The following SSBP3 variants were observed in gnomAD, a reference collection of about 807,000 sequenced individuals.
The protein encoded by SSBP3 is single-stranded DNA-binding protein 3.
In SSBP3, 5 loss-of-function variants were observed where a neutral mutation model predicts 69.6. That is an observed-to-expected ratio of 0.07 (90% CI 0.04 to 0.15). The LOEUF (loss-of-function observed/expected upper bound fraction) is 0.15. SSBP3 is among the 10% of genes least tolerant of loss of function. SSBP3 has a pLI of 1.00. For missense variants in SSBP3, 312 were observed against 534.0 expected, an observed-to-expected ratio of 0.58 and a Z score of 4.10; for synonymous variants, 196 against 193.4, an observed-to-expected ratio of 1.01 and a Z score of -0.11.
chr1:54,318,563 G>A (rs954533242), intron 4 of SSBP3, among the ~76,000 whole-genome samples: 1 of 152,120 alleles, frequency 6.6e-6, no homozygotes, highest in African/African-American at 2.4e-5. Context: ...GAGTTTGGGG[G>A]GCTGGGGGAG....
intron 4 of SSBP3, among the ~76,000 whole-genome samples, chr1:54,344,921 G>C (rs376483555): frequency 1.3e-5 from 2 of 152,246 alleles, no homozygotes; most frequent in South Asian, 2.1e-4. Flanking sequence ...GTGCCCATTA[G>C]TCCACGTGCG....
chr1:54,226,971 G>T, exon 18 of SSBP3: 1 of 702,542 alleles, frequency 1.4e-6, no homozygotes, highest in Non-Finnish European at 2.6e-6. Context: ...AACTAAAATT[G>T]GGAAAGGTAG....
At chr1:54,247,613 G>T (rs564916326) in intron 9 of SSBP3, among the ~76,000 whole-genome samples, 1 of 152,248 alleles carries the variant, frequency 6.6e-6, no homozygotes, top group South Asian at 2.1e-4. Flanking sequence ...TCCTTCATCT[G>T]AACTCTCAAA....
chr1:54,306,586 G>A (rs6694572), intron 4 of SSBP3, among the ~76,000 whole-genome samples: 8,840 of 152,184 alleles, frequency 0.058, 430 homozygotes, highest in East Asian at 0.27. Flanking sequence ...AGCTGCCACT[G>A]GTATTATCAT....
upstream of SSBP3, among the ~76,000 whole-genome samples, chr1:54,406,869 G>C (rs1301708249): frequency 1.5e-5 from 2 of 136,406 alleles, no homozygotes; most frequent in Non-Finnish European, 3.1e-5. Context: ...GCCCGCACCA[G>C]CCCAGCCCTT....
At chr1:54,229,057 G>A (rs1043636103) in intron 14 of SSBP3, among the ~76,000 whole-genome samples, 1 of 152,146 alleles carries the variant, frequency 6.6e-6, no homozygotes. Context: ...GAGGGAGAGG[G>A]ACTGGCCCAC....
intron 14 of SSBP3, among the ~76,000 whole-genome samples, chr1:54,235,106 T>G (rs1210647139): frequency 6.6e-6 from 1 of 152,016 alleles, no homozygotes; most frequent in Non-Finnish European, 1.5e-5. Flanking sequence ...GTACCTCCGG[T>G]TTTACTTATA....
chr1:54,355,981 G>A (rs1313073833), intron 4 of SSBP3, among the ~76,000 whole-genome samples: 1 of 152,192 alleles, frequency 6.6e-6, no homozygotes, highest in Non-Finnish European at 1.5e-5. Context: ...AATTCTAGTG[G>A]CAGGAACAGC....
rs571240550 is a variant in SSBP3 at position 54,374,198 on chromosome 1, G to A, written c.276+27663C>T. Among the ~76,000 whole-genome samples, 25 of 152,336 alleles carry A rather than the reference G, an allele frequency of 1.6e-4. No individual in the cohort carries two copies. In the East Asian group the frequency reaches 2.5e-3, roughly 15 times the overall value. On this transcript the variant is annotated intron_variant, in intron 4 of 17. Transcript: ENST00000610401. ...GGAAGGCAGGCTGGGCAGGTAAGAC[G>A]CAGGTGCGCGGGAATGTGTGCGGAG...
intron 4 of SSBP3, among the ~76,000 whole-genome samples, chr1:54,330,115 G>A (rs1231989336): frequency 6.6e-6 from 1 of 152,070 alleles, no homozygotes; most frequent in East Asian, 1.9e-4. Context: ...GAACAAAACG[G>A]ACCTGCATGG....
intron 9 of SSBP3, among the ~76,000 whole-genome samples, chr1:54,246,968 G>A (rs948572790): frequency 1.3e-5 from 2 of 152,216 alleles, no homozygotes; most frequent in South Asian, 2.1e-4. Context: ...TACAAGGGTC[G>A]GTTACCAACC....
At chr1:54,351,293 A>T (rs1360860386) in intron 4 of SSBP3, among the ~76,000 whole-genome samples, 1 of 152,244 alleles carries the variant, frequency 6.6e-6, no homozygotes, top group Non-Finnish European at 1.5e-5. Flanking sequence ...TACTTTTCAA[A>T]ATGAACGAGT....
chr1:54,240,484 C>T (rs377270262), intron 13 of SSBP3, among the ~76,000 whole-genome samples: 6 of 17,494 alleles, frequency 3.4e-4, no homozygotes, highest in African/African-American at 1.2e-3. Flanking sequence ...GGGGGGGGGG[C>T]GGGGGGGAGA....
chr1:54,330,231 C>T (rs1646383907), intron 4 of SSBP3, among the ~76,000 whole-genome samples: 1 of 152,116 alleles, frequency 6.6e-6, no homozygotes. Context: ...CATCAATCAA[C>T]GTGATTACCA....
At chr1:54,304,535 G>A (rs1645862354) in intron 4 of SSBP3, among the ~76,000 whole-genome samples, 1 of 152,170 alleles carries the variant, frequency 6.6e-6, no homozygotes, top group South Asian at 2.1e-4. Flanking sequence ...TGCAGGTGAT[G>A]GTGGGAAAAG....
chr1:54,288,040 G>C (rs762700261), intron 4 of SSBP3, among the ~76,000 whole-genome samples: 1 of 152,136 alleles, frequency 6.6e-6, no homozygotes, highest in Non-Finnish European at 1.5e-5. Flanking sequence ...ACCAATGGAC[G>C]GCCCTGGGTC....
In SSBP3 at chr1:54,391,847, A is replaced by G. The variant is rs184133829; in HGVS notation, c.276+10014T>C. ...CTGCCACTGCCTAAGCCCTGTTCAG[A>G]CGCAAGCTCCACGGGGGGCAAGGAA... is the stretch of plus-strand genomic sequence containing the variant. On this transcript the variant is annotated intron_variant, in intron 4 of 17. Coordinates refer to ENST00000610401, the Ensembl canonical transcript of SSBP3. Among the ~76,000 whole-genome samples, 573 of 152,228 alleles carry G rather than the reference A, an allele frequency of 3.8e-3. 14 individuals carry two copies. The highest frequency in any genetic ancestry group is 0.035 in the Admixed American group (532 of 15,288).
intron 4 of SSBP3, among the ~76,000 whole-genome samples, chr1:54,393,376 G>C (rs967902572): frequency 2.0e-5 from 3 of 152,198 alleles, no homozygotes; most frequent in African/African-American, 7.2e-5. Context: ...GATGGTTCAC[G>C]CTTCACAGGC....
At chr1:54,265,127 C>T (rs1033805751) in intron 5 of SSBP3, among the ~76,000 whole-genome samples, 12 of 152,186 alleles carry the variant, frequency 7.9e-5, no homozygotes, top group Non-Finnish European at 5.9e-5. Flanking sequence ...CATGGACATC[C>T]GGAATCTGTC....
Sources: allele counts gnomAD v4.1 joint callset (sites outside exome capture counted in the v4.1 genomes callset), GRCh38; gene constraint gnomAD v4.1.1; transcripts MANE v1.5; gene names NCBI Gene and HGNC (gene_info 2026-07-23, HGNC 2026-07-21).